MACROD2: variants seen among roughly 807,000 people sequenced by gnomAD.
MACROD2 encodes the protein ADP-ribose glycohydrolase MACROD2.
Under a neutral mutation model 70.4 loss-of-function variants are expected in MACROD2, and 36 were observed. The ratio of observed to expected loss-of-function variants is 0.51; its 90% CI spans 0.39 to 0.68. The LOEUF is 0.68. MACROD2 is among the 30% of genes least tolerant of loss of function. MACROD2 has a pLI of 0.00. For synonymous variants in MACROD2, 172 were observed against 178.8 expected, an observed-to-expected ratio of 0.96 and a Z score of 0.30; for missense variants, 496 against 538.4, an observed-to-expected ratio of 0.92 and a Z score of 0.78.
chr20:14,063,444 G>C (rs1444323670), intron 2 of MACROD2, among the ~76,000 whole-genome samples: 1 of 152,086 alleles, frequency 6.6e-6, no homozygotes, highest in Non-Finnish European at 1.5e-5. Flanking sequence ...TATTGAAACT[G>C]TTCTTGCCAT....
At chr20:15,585,119 C>A (rs150446443) in intron 8 of MACROD2, among the ~76,000 whole-genome samples, 1 of 152,110 alleles carries the variant, frequency 6.6e-6, no homozygotes, top group Non-Finnish European at 1.5e-5. Context: ...CCCCCTACCC[C>A]CTTTGATCTC....
At chr20:15,859,020 C>T (rs1339679811) in intron 8 of MACROD2, among the ~76,000 whole-genome samples, 1 of 152,066 alleles carries the variant, frequency 6.6e-6, no homozygotes, top group Non-Finnish European at 1.5e-5. Flanking sequence ...TTACAGATAA[C>T]ATAAAGATTG....
At chr20:15,577,699 A>G (rs1450787765) in intron 8 of MACROD2, among the ~76,000 whole-genome samples, 1 of 152,148 alleles carries the variant, frequency 6.6e-6, no homozygotes, top group Non-Finnish European at 1.5e-5. Context: ...CCTGCCATAG[A>G]TAAACACATG....
chr20:14,448,220 T>C (rs1208010856), intron 3 of MACROD2, among the ~76,000 whole-genome samples: 1 of 152,022 alleles, frequency 6.6e-6, no homozygotes, highest in Non-Finnish European at 1.5e-5. Context: ...GAATAAAGAT[T>C]CAATTGCTGT....
chr20:15,535,878 T>C (rs1480311676), intron 8 of MACROD2, among the ~76,000 whole-genome samples: 2 of 152,152 alleles, frequency 1.3e-5, no homozygotes, highest in East Asian at 3.9e-4. Flanking sequence ...TTGATAAATA[T>C]CTGGAAATTT....
chr20:14,930,875 A>AC (rs1017403226), intron 5 of MACROD2, among the ~76,000 whole-genome samples: 3 of 151,088 alleles, frequency 2.0e-5, no homozygotes, highest in Non-Finnish European at 3.0e-5. Flanking sequence ...AAAAAAAAAA[A>AC]AAACAAAAGC....
chr20:15,535,603 C>A (rs1434146968), intron 8 of MACROD2, among the ~76,000 whole-genome samples: 1 of 152,198 alleles, frequency 6.6e-6, no homozygotes, highest in Non-Finnish European at 1.5e-5. Context: ...TCTGCCTTGA[C>A]TGTATCACGA....
At chr20:15,914,434 A>T (rs950160987) in intron 10 of MACROD2, among the ~76,000 whole-genome samples, 1 of 152,166 alleles carries the variant, frequency 6.6e-6, no homozygotes, top group Admixed American at 6.5e-5. Flanking sequence ...ACCTCGCATG[A>T]TCAGTGGGAA....
chr20:14,057,303 T>C (rs1281135703), intron 2 of MACROD2, among the ~76,000 whole-genome samples: 1 of 152,160 alleles, frequency 6.6e-6, no homozygotes, highest in Non-Finnish European at 1.5e-5. Context: ...CAAGAATTTC[T>C]GTCATCAAAA....
chr20:14,032,135 T>A (rs1228919587), intron 2 of MACROD2, among the ~76,000 whole-genome samples: 1 of 152,114 alleles, frequency 6.6e-6, no homozygotes, highest in Non-Finnish European at 1.5e-5. Flanking sequence ...CTTAAAACTA[T>A]TTTTTGATGA....
At chr20:14,076,841 A>C (rs2053922028) in intron 2 of MACROD2, among the ~76,000 whole-genome samples, 1 of 152,298 alleles carries the variant, frequency 6.6e-6, no homozygotes, top group Non-Finnish European at 1.5e-5. Flanking sequence ...TGATCAGATA[A>C]ACTTATGTCT....
At chr20:15,289,683 T>C (rs1202715683) in intron 6 of MACROD2, among the ~76,000 whole-genome samples, 3 of 152,150 alleles carry the variant, frequency 2.0e-5, no homozygotes, top group African/African-American at 7.2e-5. Context: ...GTGATATTGA[T>C]CAGATGAATA....
intron 5 of MACROD2, among the ~76,000 whole-genome samples, chr20:14,875,833 G>C (rs2073544428): frequency 6.6e-6 from 1 of 152,014 alleles, no homozygotes; most frequent in South Asian, 2.1e-4. Context: ...TTTTCATGGA[G>C]GTATAGTATT....
rs543365206 is a variant in MACROD2 at position 15,718,712 on chromosome 20, A to G, written c.646-144033A>G. ...AGAAGTCCACGGATATTTCAAAATCAGCAGTCTCCATCTTAGATCCATGAC... is the reference window on the plus strand; with the variant it reads ...AGAAGTCCACGGATATTTCAAAATCGGCAGTCTCCATCTTAGATCCATGAC... On this transcript the variant is annotated intron_variant, in intron 8 of 17. Coordinates refer to ENST00000684519, the MANE Select transcript of MACROD2 (RefSeq NM_001351661.2). 9.6e-4 allele frequency among the ~76,000 whole-genome samples: 147 copies of G among 152,352 alleles called. 2 individuals carry two copies. The South Asian group carries it at 0.028, about 29-fold the overall frequency.
chr20:15,875,082 G>A (rs528991339), intron 9 of MACROD2, among the ~76,000 whole-genome samples: 19 of 152,284 alleles, frequency 1.2e-4, no homozygotes, highest in Non-Finnish European at 2.5e-4. Context: ...CTGGAAAAGC[G>A]AGGAAACAGA....
intron 5 of MACROD2, among the ~76,000 whole-genome samples, chr20:14,748,764 G>T (rs2089272273): frequency 6.6e-6 from 1 of 152,024 alleles, no homozygotes; most frequent in Admixed American, 6.6e-5. Flanking sequence ...CTAAAGTGGA[G>T]AGCTGCCCTT....
intron 6 of MACROD2, among the ~76,000 whole-genome samples, chr20:15,232,649 T>C (rs1198067745): frequency 6.6e-6 from 1 of 152,084 alleles, no homozygotes; most frequent in Admixed American, 6.5e-5. Context: ...TCACACCTCA[T>C]GATTTGGCAA....
At chr20:14,017,276 G>A (rs928326191) in intron 2 of MACROD2, among the ~76,000 whole-genome samples, 7 of 152,076 alleles carry the variant, frequency 4.6e-5, no homozygotes, top group African/African-American at 1.2e-4. Context: ...AACAGAGATA[G>A]TTTTACATCT....
chr20:15,166,089 A>G (rs2076381808), intron 5 of MACROD2, among the ~76,000 whole-genome samples: 1 of 152,186 alleles, frequency 6.6e-6, no homozygotes, highest in Admixed American at 6.5e-5. Context: ...AGCTGGGGGT[A>G]GGAACAGGTA....
Sources: gnomAD v4.1 joint callset for allele counts (sites outside exome capture counted in the v4.1 genomes callset) on GRCh38, gnomAD v4.1.1 for gene constraint, MANE v1.5 for transcripts, NCBI Gene and HGNC (gene_info 2026-07-23, HGNC 2026-07-21) for gene names.